The following UBL3 variants were observed in gnomAD, a reference collection of about 807,000 sequenced individuals.
UBL3 encodes the protein ubiquitin-like protein 3.
In UBL3, 6 loss-of-function variants were observed where a neutral mutation model predicts 18.4. The ratio of observed to expected loss-of-function variants is 0.33; its 90% confidence interval spans 0.18 to 0.64. The LOEUF is 0.64. UBL3 is among the 30% of genes least tolerant of loss of function. UBL3 has a pLI of 0.76. For synonymous variants in UBL3, 49 were observed against 46.6 expected, an observed-to-expected ratio of 1.05 and a Z score of -0.21; for missense variants, 109 against 142.9, an observed-to-expected ratio of 0.76 and a Z score of 1.21.
intron 1 of UBL3, among the ~76,000 whole-genome samples, chr13:29,803,556 C>T (rs541093443): frequency 2.8e-4 from 43 of 151,524 alleles, no homozygotes; most frequent in African/African-American, 9.9e-4. Flanking sequence ...CACGCAATGA[C>T]ATCCAGAGGC....
At chr13:29,835,184 A>ATATATATC (rs1566001185) in intron 1 of UBL3, among the ~76,000 whole-genome samples, 4 of 89,598 alleles carry the variant, frequency 4.5e-5, no homozygotes, top group Admixed American at 3.0e-4. Context: ...ATATATATAT[A>ATATATATC]TCTCCACCCT....
In UBL3 at chr13:29,833,923, C is replaced by G. The variant is rs543653657; in HGVS notation, c.27+15589G>C. On this transcript the variant is annotated intron_variant, in intron 1 of 4. Transcript: ENST00000380680. ...TGTCTGAATAAATAACGCAGTGGCT[C>G]ACGCCTGTAATCTCAGCACTTTGGG... Among the ~76,000 whole-genome samples the G allele has an allele frequency of 2.0e-5, 3 of 152,280 alleles. No individual in the cohort carries two copies. The South Asian group carries it at 6.2e-4, about 32-fold the overall frequency.
intron 1 of UBL3, among the ~76,000 whole-genome samples, chr13:29,829,716 G>A (rs1453450365): frequency 6.6e-6 from 1 of 152,108 alleles, no homozygotes; most frequent in East Asian, 1.9e-4. Context: ...TATATGACAA[G>A]CCCCAGTGAG....
At chr13:29,828,909 G>A (rs549397155) in intron 1 of UBL3, among the ~76,000 whole-genome samples, 18 of 152,302 alleles carry the variant, frequency 1.2e-4, no homozygotes, top group South Asian at 2.1e-4. Flanking sequence ...GACCCTCAGC[G>A]GAAGGTCTGT....
chr13:29,828,046 T>C (rs1878670645), intron 1 of UBL3, among the ~76,000 whole-genome samples: 1 of 152,190 alleles, frequency 6.6e-6, no homozygotes, highest in Admixed American at 6.5e-5. Flanking sequence ...TGCCAAGAGA[T>C]CAGCTGTTAG....
chr13:29,801,663 G>C (rs1042749165), intron 1 of UBL3, among the ~76,000 whole-genome samples: 2 of 152,168 alleles, frequency 1.3e-5, no homozygotes, highest in Non-Finnish European at 2.9e-5. Context: ...CCCTCGGACC[G>C]GGGAAGGAGT....
intron 1 of UBL3, among the ~76,000 whole-genome samples, chr13:29,827,151 T>A (rs1268013978): frequency 6.6e-6 from 1 of 152,244 alleles, no homozygotes; most frequent in African/African-American, 2.4e-5. Context: ...CTGAGAAGAA[T>A]GTATATTCTG....
intron 1 of UBL3, among the ~76,000 whole-genome samples, chr13:29,803,370 T>C (rs938587130): frequency 6.6e-6 from 1 of 151,952 alleles, no homozygotes; most frequent in Non-Finnish European, 1.5e-5. Flanking sequence ...AAAAGAATGA[T>C]GCAAACAAGT....
chr13:29,776,979 T>C (rs1877015251), intron 2 of UBL3, among the ~76,000 whole-genome samples, 176 bp downstream of exon 2: 1 of 151,294 alleles, frequency 6.6e-6, no homozygotes, highest in African/African-American at 2.4e-5. Context: ...CATTTGGGAA[T>C]GAGACTGCTG....
At chr13:29,780,367 A>AAAAAAATATATAT (rs1359464345) in intron 1 of UBL3, among the ~76,000 whole-genome samples, 2 of 103,334 alleles carry the variant, frequency 1.9e-5, no homozygotes, top group Admixed American at 1.2e-4. Flanking sequence ...AAAAAAAAAA[A>AAAAAAATATATAT]ATATATATAT....
At chr13:29,833,363 GATCT>G (rs1878832128) in intron 1 of UBL3, among the ~76,000 whole-genome samples, 1 of 152,198 alleles carries the variant, frequency 6.6e-6, no homozygotes, top group Non-Finnish European at 1.5e-5. Flanking sequence ...TTATTGATGG[GATCT>G]ATCTAGGACA....
intron 1 of UBL3, among the ~76,000 whole-genome samples, chr13:29,845,613 T>C (rs187441483): frequency 6.3e-4 from 96 of 152,208 alleles, no homozygotes; most frequent in African/African-American, 2.2e-3. Flanking sequence ...ATTTTAGTAA[T>C]TTCCTGTCCA....
At chr13:29,797,999 G>GT (rs74542319) in intron 1 of UBL3, among the ~76,000 whole-genome samples, 8,710 of 146,464 alleles carry the variant, frequency 0.059, 317 homozygotes, top group Middle Eastern at 0.099. Context: ...TCACAATGTA[G>GT]TTTTTTTTTT....
intron 1 of UBL3, among the ~76,000 whole-genome samples, chr13:29,847,318 C>G (rs145523952): frequency 7.9e-4 from 120 of 152,346 alleles, no homozygotes; most frequent in Middle Eastern, 6.8e-3. Flanking sequence ...GAAATAGCAT[C>G]ATCAGGGCAT....
At chr13:29,849,279 C>T (rs1391534884) in intron 1 of UBL3, among the ~76,000 whole-genome samples, 1 of 152,134 alleles carries the variant, frequency 6.6e-6, no homozygotes, top group African/African-American at 2.4e-5. Flanking sequence ...ATACATTTCC[C>T]TACTTCTCCA....
At chr13:29,785,415 G>A in intron 1 of UBL3, among the ~76,000 whole-genome samples, 1 of 151,914 alleles carries the variant, frequency 6.6e-6, no homozygotes, top group Admixed American at 6.6e-5. Flanking sequence ...TTTTCTTATT[G>A]ACATTTGAAA....
chr13:29,797,360 T>A (rs887195720), intron 1 of UBL3, among the ~76,000 whole-genome samples: 6 of 152,304 alleles, frequency 3.9e-5, no homozygotes, highest in Admixed American at 2.6e-4. Context: ...AGACAGAATC[T>A]TAGAATTATA....
chr13:29,814,600 A>T (rs1878218946), intron 1 of UBL3, among the ~76,000 whole-genome samples: 1 of 152,120 alleles, frequency 6.6e-6, no homozygotes. Context: ...TAGGCCCAAG[A>T]TGTAAGGGCC....
chr13:29,812,304 C>A (rs535373170), intron 1 of UBL3, among the ~76,000 whole-genome samples: 32 of 152,160 alleles, frequency 2.1e-4, no homozygotes, highest in African/African-American at 7.5e-4. Context: ...TATTGCTGAA[C>A]TCTTGTACAA....
Sources: allele counts gnomAD v4.1 joint callset (sites outside exome capture counted in the v4.1 genomes callset), GRCh38; gene constraint gnomAD v4.1.1; transcripts MANE v1.5; gene names NCBI Gene and HGNC (gene_info 2026-07-23, HGNC 2026-07-21).